Variants in CSMD1 observed in about 807,000 individuals in gnomAD.
CSMD1 encodes the protein CUB and sushi domain-containing protein 1.
In CSMD1, 213 loss-of-function variants were observed where a neutral mutation model predicts 417.5. The observed-to-expected ratio is 0.51, with a 90% CI of 0.46 to 0.57. CSMD1 has a LOEUF of 0.57. Among genes scored for constraint, CSMD1 ranks in the 20% least tolerant of loss-of-function variants. The pLI, the probability that CSMD1 is intolerant of heterozygous loss-of-function variation, is 0.00. For synonymous variants in CSMD1, 2,862 were observed against 1,736.8 expected (o/e 1.65, Z -16.11); for missense variants, 6,923 against 4,529.7 (o/e 1.53, Z -15.17).
rs1478592468 is a variant in CSMD1, at chr8:3,290,303, G to T, written c.3951-5957C>A. ...TCTTTTGGCTTAGGATTGACTTGGTGATTTGGGCTCTTTTTTGGTTCCATA... is the reference window on the plus strand; with the variant it reads ...TCTTTTGGCTTAGGATTGACTTGGTTATTTGGGCTCTTTTTTGGTTCCATA... On this transcript the variant is annotated intron_variant, in intron 25 of 69. Transcript: ENST00000635120. 1.4e-5 allele frequency among the ~76,000 whole-genome samples: 2 copies of T among 146,640 alleles called. 1 individual carries two copies. The highest frequency in any genetic ancestry group is 1.3e-4 in the Admixed American group (2 of 14,868).
rs114440135 is a variant in CSMD1, at chr8:3,662,522, T to G, written c.1010-45725A>C. On this transcript the variant is annotated intron_variant, in intron 7 of 69. Transcript: ENST00000635120. ...CATATGTGTGCATGTGTCTTTATAG[T>G]AGAATGACTTAAAATCCTTTTGGCT... Among the ~76,000 whole-genome samples the G allele has an allele frequency of 1.7e-4, 26 of 152,214 alleles. 1 individual carries two copies. The East Asian group carries it at 3.5e-3, about 20-fold the overall frequency.
chr8:3,628,289 C>G (rs969558332), intron 7 of CSMD1, among the ~76,000 whole-genome samples: 2 of 152,074 alleles, frequency 1.3e-5, no homozygotes, highest in East Asian at 3.9e-4. Flanking sequence ...AAAAGCCCAG[C>G]AGAGGTTGCA....
chr8:4,521,349 G>C (rs1018437042), intron 2 of CSMD1, among the ~76,000 whole-genome samples: 1 of 151,996 alleles, frequency 6.6e-6, no homozygotes, highest in Non-Finnish European at 1.5e-5. Context: ...GAAGCCTTAA[G>C]AACCTTTAAG....
chr8:3,080,674 C>T (rs907334560), intron 49 of CSMD1, among the ~76,000 whole-genome samples: 10 of 152,182 alleles, frequency 6.6e-5, no homozygotes, highest in Non-Finnish European at 1.0e-4. Flanking sequence ...TCCCAAATCC[C>T]CTTCAAGACC....
chr8:3,781,832 A>C (rs41444345), intron 5 of CSMD1, among the ~76,000 whole-genome samples: 3,691 of 152,234 alleles, frequency 0.024, 199 homozygotes, highest in East Asian at 0.16. Context: ...TTTGCTCTCT[A>C]TACTTCCTAG....
chr8:2,973,052 G>T, intron 57 of CSMD1, 65 bp downstream of exon 57: 1 of 1,487,494 alleles, frequency 6.7e-7, no homozygotes, highest in Non-Finnish European at 9.1e-7. Context: ...ATTTTGCCAG[G>T]CATTTTAGAA....
chr8:3,989,605 C>A (rs1814595456), intron 5 of CSMD1, among the ~76,000 whole-genome samples: 1 of 152,052 alleles, frequency 6.6e-6, no homozygotes, highest in Non-Finnish European at 1.5e-5. Context: ...TCTCAGGTGC[C>A]ATCTATTTTA....
intron 3 of CSMD1, among the ~76,000 whole-genome samples, chr8:4,044,852 G>C (rs552041206): frequency 7.9e-6 from 1 of 126,744 alleles, no homozygotes; most frequent in South Asian, 2.7e-4. Flanking sequence ...GTACCATGCT[G>C]GGGACTGCAC....
chr8:2,963,540 G>A (rs2128927160), intron 59 of CSMD1, 145 bp from the exon 60 acceptor site: 3 of 788,464 alleles, frequency 3.8e-6, no homozygotes, highest in South Asian at 1.9e-5. Context: ...AATTGCCAAG[G>A]AAGACAGTAC....
chr8:3,753,271 G>A (rs28570092), intron 6 of CSMD1, among the ~76,000 whole-genome samples: 2 of 152,046 alleles, frequency 1.3e-5, no homozygotes, highest in African/African-American at 4.8e-5. Context: ...TTAGGAGACT[G>A]CTTAATAAAC....
intron 2 of CSMD1, among the ~76,000 whole-genome samples, chr8:4,528,475 G>C (rs1796630522): frequency 6.6e-6 from 1 of 152,176 alleles, no homozygotes; most frequent in Non-Finnish European, 1.5e-5. Context: ...TGAGAATCAT[G>C]TAAGACTTAG....
chr8:4,373,206 A>C (rs1802505614), intron 3 of CSMD1, among the ~76,000 whole-genome samples: 1 of 152,206 alleles, frequency 6.6e-6, no homozygotes, highest in South Asian at 2.1e-4. Flanking sequence ...AAGTCATCAC[A>C]AACAAGAGGA....
intron 5 of CSMD1, among the ~76,000 whole-genome samples, chr8:3,919,382 T>C (rs558539915): frequency 1.3e-5 from 2 of 152,184 alleles, no homozygotes; most frequent in African/African-American, 4.8e-5. Context: ...ATCTCATGTG[T>C]TGAAGAGACT....
chr8:3,744,521 G>C (rs192107807), intron 6 of CSMD1, among the ~76,000 whole-genome samples: 1 of 151,818 alleles, frequency 6.6e-6, no homozygotes, highest in African/African-American at 2.4e-5. Context: ...AAATAAAATA[G>C]ATCCAAAGAT....
intron 7 of CSMD1, among the ~76,000 whole-genome samples, chr8:3,675,360 G>T (rs17397928): frequency 0.024 from 3,607 of 152,284 alleles, 73 homozygotes; most frequent in Non-Finnish European, 0.039. Flanking sequence ...AGCCTCCATA[G>T]TAAGGCCTCA....
chr8:4,422,538 A>C (rs572585995), intron 2 of CSMD1, among the ~76,000 whole-genome samples: 1 of 152,224 alleles, frequency 6.6e-6, no homozygotes, highest in Admixed American at 6.6e-5. Flanking sequence ...TGGAACAGGA[A>C]GGATGCTGTC....
chr8:3,926,583 T>G (rs1809745592), intron 5 of CSMD1, among the ~76,000 whole-genome samples: 1 of 151,990 alleles, frequency 6.6e-6, no homozygotes, highest in African/African-American at 2.4e-5. Context: ...CTAACATTTA[T>G]TTCTGGTTAA....
intron 3 of CSMD1, among the ~76,000 whole-genome samples, chr8:4,194,278 G>A (rs916410547): frequency 2.0e-5 from 3 of 152,046 alleles, no homozygotes; most frequent in Non-Finnish European, 2.9e-5. Flanking sequence ...TTATAATGAA[G>A]GAATAATATA....
At chr8:3,066,062 A>G (rs552507981) in intron 49 of CSMD1, among the ~76,000 whole-genome samples, 3 of 152,324 alleles carry the variant, frequency 2.0e-5, no homozygotes, top group Admixed American at 2.0e-4. Context: ...CAAAGGTTAC[A>G]GAAAAATTGT....
Sources: allele counts gnomAD v4.1 joint callset (sites outside exome capture counted in the v4.1 genomes callset), GRCh38; gene constraint gnomAD v4.1.1; transcripts MANE v1.5; gene names NCBI Gene and HGNC (gene_info 2026-07-23, HGNC 2026-07-21).